The following ZNF7 variants were observed in gnomAD, a reference collection of about 807,000 sequenced individuals.
ZNF7 encodes C2-H2 type zinc finger protein.
Under a neutral mutation model 12.0 loss-of-function variants are expected in ZNF7, and 10 were observed. The ratio of observed to expected loss-of-function variants is 0.83; its 90% CI spans 0.51 to 1.42. The LOEUF is 1.42. Among genes scored for constraint, ZNF7 ranks in the 40% most tolerant of loss-of-function variants. The pLI, the probability that ZNF7 is intolerant of heterozygous loss-of-function variation, is 0.00. For missense variants in ZNF7, 854 were observed against 837.2 expected, an observed-to-expected ratio of 1.02 and a Z score of -0.25; for synonymous variants, 334 against 295.0, an observed-to-expected ratio of 1.13 and a Z score of -1.35.
At chr8:144,844,733 A>AAAC (rs1329927070), downstream of ZNF7, among the ~76,000 whole-genome samples, 236 of 132,444 alleles carry the variant, frequency 1.8e-3, 6 homozygotes, top group African/African-American at 6.5e-3. Context: ...AAAAAAAAAA[A>AAAC]AAACGAAAAT....
In ZNF7 at chr8:144,843,021, C is replaced by G. The variant is rs1563847032; in HGVS notation, c.1914C>G (p.Asp638Glu). ...TAAAGAAACTGCATCAGTGTGAAGA[C>G]TGTGAGAAGATATTTAGGTGGCGTT... ...NTIKKLHQCE[D>E]CEKIFRWRSH... Residue 638 changes from aspartate to glutamate, a missense_variant, in exon 5 of 5, where the codon GAC (aspartate) becomes GAG (glutamate). Coordinates refer to ENST00000532777, the MANE Select transcript of ZNF7 (RefSeq NM_003416.4). 5.0e-6 allele frequency: 8 copies of G among 1,614,066 alleles called. No homozygotes were observed. The South Asian group carries it at 8.8e-5, about 18-fold the overall frequency.
In ZNF7 at chr8:144,842,601, G is replaced by T. The variant is rs773732807; in HGVS notation, c.1494G>T (p.Val498=). ...QRIHTGEKPY[V]CNDCGKAFSQ... ...TCCACACTGGAGAGAAACCCTATGT[G>T]TGTAATGACTGTGGAAAAGCCTTCA... The change falls in exon 5 of 5, where the codon GTG becomes GTT. Residue 498 remains valine, a synonymous_variant. Coordinates refer to ENST00000532777, the MANE Select transcript of ZNF7 (RefSeq NM_003416.4). 6.2e-6 allele frequency: 10 copies of T among 1,614,150 alleles called. No individual in the cohort carries two copies. In the East Asian group the frequency reaches 2.2e-4, roughly 36 times the overall value.
Position 144,842,423 on chromosome 8 carries a change from A to G in ZNF7, c.1316A>G (p.Lys439Arg). The part of the protein sequence containing the change: ...SQHQLIHTGE[K>R]PYKCNKCTKA... ...CATCAGCTGATTCACACTGGAGAGA[A>G]GCCTTATAAATGCAACAAGTGTACA... The change falls in exon 5 of 5, where the codon AAG (lysine) becomes AGG (arginine). Residue 439 changes from lysine to arginine, a missense_variant. By Grantham distance (26) the Lys-to-Arg change is conservative (BLOSUM62 2). Coordinates refer to ENST00000532777, the MANE Select transcript of ZNF7 (RefSeq NM_003416.4). The G allele has an allele frequency of 6.2e-7, 1 of 1,614,102 alleles. No individual in the cohort carries two copies. The highest frequency in any genetic ancestry group is 8.5e-7 in the Non-Finnish European group (1 of 1,180,028).
chr8:144,829,352 G>A (rs1226005147), intron 2 of ZNF7, 126 bp from the exon 3 acceptor site: 8 of 1,554,518 alleles, frequency 5.1e-6, no homozygotes, highest in Non-Finnish European at 7.0e-6. Flanking sequence ...AATATTAGAG[G>A]CAGAGGAGTC....
At chr8:144,827,871 G>A (rs867618571) in intron 1 of ZNF7, 53 of 186,528 alleles carry the variant, frequency 2.8e-4, no homozygotes, top group African/African-American at 1.1e-3. Context: ...TGGCGGCCAC[G>A]GTGTCCGGGG....
intron 2 of ZNF7, 65 bp from the exon 3 acceptor site, chr8:144,829,413 T>C: frequency 6.2e-7 from 1 of 1,605,888 alleles, no homozygotes; most frequent in Non-Finnish European, 8.5e-7. Context: ...AGACATGTCA[T>C]GAGGCAGCGC....
At position 144,843,166 on chromosome 8, in the gene ZNF7, T is replaced by C. The variant is rs766865237; in HGVS notation, c.2059T>C (p.Ter687GlnextTer5). The C allele has an allele frequency of 3.8e-6, 6 of 1,572,712 alleles. No individual in the cohort carries two copies. The Admixed American group carries it at 5.9e-5, about 15-fold the overall frequency. ...LTQHQKIHMG[*>Q] ...CCAGCATCAAAAAATTCACATGGGA[T>C]AGACCACTTACATATAAATGTGTAT... The change falls in exon 5 of 5, where the codon TAG becomes CAG. Residue 687 changes from the stop codon to glutamine (Q), a stop_lost. Coordinates refer to ENST00000532777, the MANE Select transcript of ZNF7 (RefSeq NM_003416.4).
chr8:144,841,358 C>A lies in ZNF7; in HGVS notation c.251C>A (p.Ser84Tyr). ...TEAPRTSKTD[S>Y]TIRTENEQAC... ...TCTTTGTTCCTGTTTATTTCAGATTCTACGATTAGGACTGAAAATGAGCAG... is the reference window on the plus strand; with the variant it reads ...TCTTTGTTCCTGTTTATTTCAGATTATACGATTAGGACTGAAAATGAGCAG... Residue 84 changes from serine (S) to tyrosine (Y), a missense_variant, in exon 5 of 5, where the codon TCT becomes TAT. Ser to Tyr is a moderately radical substitution (Grantham distance 144). Transcript: ENST00000532777. 1.3e-6 allele frequency: 2 copies of A among 1,598,250 alleles called. No homozygotes were observed. The highest frequency in any genetic ancestry group is 2.2e-5 in the South Asian group (2 of 90,210).
At position 144,842,133 on chromosome 8, in the gene ZNF7, C is replaced by G. The variant is rs780869114; in HGVS notation, c.1026C>G (p.Ala342=). Residue 342 remains alanine (A), a synonymous_variant, in exon 5 of 5, where the codon GCC becomes GCG. Transcript: ENST00000532777. The part of the protein sequence containing the change: ...RPYGCRECGK[A]FSQQSQLVRH... ...ATGGTTGTCGTGAGTGTGGGAAAGC[C>G]TTCAGCCAGCAGTCGCAGCTGGTTA... is the stretch of plus-strand genomic sequence containing the variant. The G allele has an allele frequency of 1.2e-6, 2 of 1,614,042 alleles. No homozygotes were observed. The highest frequency in any genetic ancestry group is 1.7e-6 in the Non-Finnish European group (2 of 1,179,986).
At chr8:144,830,759 A>C (rs1362185227) in intron 3 of ZNF7, among the ~76,000 whole-genome samples, 1 of 144,774 alleles carries the variant, frequency 6.9e-6, no homozygotes, top group Admixed American at 7.0e-5. Context: ...TTTGAGATGG[A>C]GTCTTGCCCT....
chr8:144,843,134 G>A lies in ZNF7; in HGVS notation c.2027G>A (p.Arg676Lys). ...GGCAAAGCTTTTAATCGTAGCTCAA[G>A]GCTTACCCAGCATCAAAAAATTCAC... Reference protein sequence around the residue: ...DCGKAFNRSSRLTQHQKIHMG With the variant: ...DCGKAFNRSSKLTQHQKIHMG The change falls in exon 5 of 5, where the codon AGG becomes AAG. Residue 676 changes from arginine (R) to lysine (K), a missense_variant. Physicochemically the swap from Arg to Lys is conservative, Grantham distance 26. Coordinates refer to ENST00000532777, the MANE Select transcript of ZNF7 (RefSeq NM_003416.4). The A allele has an allele frequency of 6.3e-7, 1 of 1,598,374 alleles. No individual in the cohort carries two copies. The highest frequency in any genetic ancestry group is 8.5e-7 in the Non-Finnish European group (1 of 1,173,884).
At position 144,833,196 on chromosome 8, in the gene ZNF7, C is replaced by CAA. The variant is rs11417590; in HGVS notation, c.130+3610_130+3611dup. On this transcript the variant is annotated intron_variant, in intron 3 of 4. Coordinates refer to ENST00000532777, the MANE Select transcript of ZNF7 (RefSeq NM_003416.4). The stretch of plus-strand genomic sequence containing the variant: ...CTGGGCAATAAGCGAGACTTTGTCT[C>CAA]AAAAAAAAAAAAAAAAAAAGACTAT... 8.3e-3 allele frequency among the ~76,000 whole-genome samples: 904 copies of CAA among 108,872 alleles called. 9 individuals carry two copies. Among genetic ancestry groups the CAA allele is most frequent in the Non-Finnish European group, 0.011 (626 of 55,072 alleles). The allele number at this position is 108,872 out of a possible 152,430, so 71.4% of individuals were successfully genotyped here.
chr8:144,846,804 T>A (rs1830534772), downstream of ZNF7: 1 of 152,162 alleles, frequency 6.6e-6, no homozygotes, highest in Non-Finnish European at 1.5e-5. Flanking sequence ...GTTCACGCCA[T>A]TCTCCTGCCT....
Position 144,842,349 on chromosome 8 carries a change from G to C in ZNF7, c.1242G>C (p.Lys414Asn), listed in dbSNP as rs776788773. The change falls in exon 5 of 5, where the codon AAG becomes AAC. Residue 414 changes from lysine to asparagine, a missense_variant. By Grantham distance (94) the Lys-to-Asn change is moderately conservative. Coordinates refer to ENST00000532777, the MANE Select transcript of ZNF7 (RefSeq NM_003416.4). Reference protein sequence around the residue: ...QRIHAVEKPFKCDECGKAFRW... With the variant: ...QRIHAVEKPFNCDECGKAFRW... Reference sequence around the variant, plus strand: ...TTCACGCTGTAGAGAAACCATTTAAGTGTGATGAGTGTGGGAAAGCTTTTA... The same window carrying C: ...TTCACGCTGTAGAGAAACCATTTAACTGTGATGAGTGTGGGAAAGCTTTTA... 2.5e-6 allele frequency: 4 copies of C among 1,613,810 alleles called. No individual in the cohort carries two copies. The Middle Eastern group carries it at 4.9e-4, about 199-fold the overall frequency.
In ZNF7 at chr8:144,841,966, T is replaced by G. The variant is rs1829982280; in HGVS notation, c.859T>G (p.Phe287Val). 1 of 1,614,060 alleles carries G rather than the reference T, an allele frequency of 6.2e-7. No individual in the cohort carries two copies. Among genetic ancestry groups the G allele is most frequent in the African/African-American group, 1.3e-5 (1 of 74,930 alleles). The change falls in exon 5 of 5, where the codon TTC becomes GTC. Residue 287 changes from phenylalanine to valine, a missense_variant. By Grantham distance (50) the Phe-to-Val change is conservative. Coordinates refer to ENST00000532777, the MANE Select transcript of ZNF7 (RefSeq NM_003416.4). The part of the protein sequence containing the change: ...PFKCTECGKA[F>V]RLSSKLIQHQ... ...TAAATGCACTGAGTGTGGAAAAGCC[T>G]TCCGCCTGAGCTCAAAACTTATTCA...
At chr8:144,827,799 C>G in intron 1 of ZNF7, 190 bp downstream of exon 1, 3 of 609,162 alleles carry the variant, frequency 4.9e-6, no homozygotes, top group Non-Finnish European at 6.2e-6. Context: ...CACCCTCCCC[C>G]GCGGCGGCGC....
intron 4 of ZNF7, among the ~76,000 whole-genome samples, chr8:144,839,452 C>T (rs1022850135): frequency 5.3e-5 from 8 of 152,250 alleles, no homozygotes; most frequent in African/African-American, 1.9e-4. Flanking sequence ...TAAAACCCAG[C>T]CGCCCATTAA....
At position 144,841,802 on chromosome 8, in the gene ZNF7, T is replaced by TAG; in HGVS notation, c.696_697insGA (p.Ser233AspfsTer58). 1 of 1,614,180 alleles carries TAG rather than the reference T, an allele frequency of 6.2e-7. No individual in the cohort carries two copies. The highest frequency in any genetic ancestry group is 8.5e-7 in the Non-Finnish European group (1 of 1,180,026). On this transcript the variant is annotated frameshift_variant, in exon 5 of 5. Transcript: ENST00000532777. LOFTEE classifies it low-confidence loss of function (END_TRUNC). ...AGATGTCAAGAATGCCAAAAAAAGT[T>TAG]ATCTGACTGCTTGCAGGGGAAACAT...
chr8:144,827,738 G>A (rs1827934042), intron 1 of ZNF7, 129 bp downstream of exon 1: 1 of 942,772 alleles, frequency 1.1e-6, no homozygotes, highest in Non-Finnish European at 1.3e-6. Flanking sequence ...GGAAAGCGCG[G>A]GGGCTTTGCG....
Sources: allele counts gnomAD v4.1 joint callset (sites outside exome capture counted in the v4.1 genomes callset), GRCh38; gene constraint gnomAD v4.1.1; transcripts MANE v1.5; gene names NCBI Gene and HGNC (gene_info 2026-07-23, HGNC 2026-07-21).